KIF5B: variants seen among roughly 807,000 people sequenced by gnomAD.
KIF5B encodes the protein kinesin family member 5B, also known as kinesin-1 heavy chain.
Under a neutral mutation model 132.8 loss-of-function variants are expected in KIF5B, and 49 were observed. The observed-to-expected ratio is 0.37, with a 90% confidence interval of 0.29 to 0.47. KIF5B has a LOEUF of 0.47. KIF5B is among the 20% of genes least tolerant of loss of function. The pLI is 1.00. For missense variants in KIF5B, 780 were observed against 1,144.0 expected, an observed-to-expected ratio of 0.68 and a Z score of 4.59; for synonymous variants, 355 against 369.4, an observed-to-expected ratio of 0.96 and a Z score of 0.45.
chr10:32,014,248 C>T (rs888950516), intron 25 of KIF5B, among the ~76,000 whole-genome samples: 7 of 151,896 alleles, frequency 4.6e-5, no homozygotes, highest in African/African-American at 1.7e-4. Flanking sequence ...CAAAATTAGC[C>T]GGTGTGGTGG....
In KIF5B at chr10:32,031,091, A is replaced by G. The variant is rs1841397477; in HGVS notation, c.1563T>C (p.Asp521=). The part of the protein sequence containing the change: ...DKTKEYELLS[D]ELNQKSATLA... ...ATCCTACCGATTTCTGATTCAATTCATCACTAAGCAATTCATATTCCTTAG... is the reference window on the plus strand; with the variant it reads ...ATCCTACCGATTTCTGATTCAATTCGTCACTAAGCAATTCATATTCCTTAG... The change falls in exon 14 of 26, where the codon GAT becomes GAC. Residue 521 remains aspartate (D), a synonymous_variant. Coordinates refer to ENST00000302418, the MANE Select transcript of KIF5B (RefSeq NM_004521.3). 2 of 1,611,986 alleles carry G rather than the reference A, an allele frequency of 1.2e-6. No homozygotes were observed. The highest frequency in any genetic ancestry group is 4.5e-5 in the East Asian group (2 of 44,862).
chr10:32,012,195 G>A (rs529794832), intron 25 of KIF5B, among the ~76,000 whole-genome samples: 8 of 152,218 alleles, frequency 5.3e-5, no homozygotes, highest in African/African-American at 9.6e-5. Context: ...ATTTCTCGCC[G>A]GGCACAGTGG....
At chr10:32,035,715 TTA>T in intron 9 of KIF5B, 48 bp from the exon 10 acceptor site, 2 of 1,540,536 alleles carry the variant, frequency 1.3e-6, no homozygotes, top group Non-Finnish European at 1.8e-6. Context: ...TAATAAAATG[TTA>T]TTATAAAATA....
chr10:32,040,727 C>T (rs1462897244), intron 2 of KIF5B, among the ~76,000 whole-genome samples: 1 of 151,926 alleles, frequency 6.6e-6, no homozygotes, highest in African/African-American at 2.4e-5. Context: ...GGTGCGGTAG[C>T]TCACTCCTGT....
At chr10:32,027,754 C>A (rs12257702) in intron 15 of KIF5B, among the ~76,000 whole-genome samples, 392 of 151,966 alleles carry the variant, frequency 2.6e-3, no homozygotes, top group African/African-American at 8.8e-3. Context: ...ATCACCATGC[C>A]TACATGCTAG....
chr10:32,028,029 G>A (rs1245674713), intron 15 of KIF5B, among the ~76,000 whole-genome samples: 1 of 151,806 alleles, frequency 6.6e-6, no homozygotes, highest in Non-Finnish European at 1.5e-5. Flanking sequence ...CTGGAGTGCA[G>A]TTGCACGATT....
In KIF5B at chr10:32,037,730, G is replaced by A. The variant is rs551134994; in HGVS notation, c.499-123C>T. On this transcript the variant is annotated intron_variant, in intron 6 of 25. Coordinates refer to ENST00000302418, the MANE Select transcript of KIF5B (RefSeq NM_004521.3). ...TGCCTGTAATCCTAGCTACTTGGGA[G>A]GCTGAGGCAGGAGAATCGCTTGAGC... 14 of 666,306 alleles carry A rather than the reference G, an allele frequency of 2.1e-5. No individual in the cohort carries two copies. In the East Asian group the frequency reaches 3.3e-4, roughly 16 times the overall value. 41.3% of individuals were successfully genotyped at this position (666,306 alleles called of 1,614,324 possible). A position where few individuals can be genotyped will look rare whatever the true frequency, so the allele number is the denominator to read the frequency against.
chr10:32,052,463 T>C (rs1841705635), intron 1 of KIF5B, among the ~76,000 whole-genome samples: 1 of 152,258 alleles, frequency 6.6e-6, no homozygotes. Context: ...TACCACAGCT[T>C]GTTTTTGGCA....
chr10:32,037,789 T>C (rs1465378052), intron 6 of KIF5B, among the ~76,000 whole-genome samples, 182 bp from the exon 7 acceptor site: 1 of 150,244 alleles, frequency 6.7e-6, no homozygotes, highest in Non-Finnish European at 1.5e-5. Flanking sequence ...GCCGAGACCA[T>C]GCCATGCACT....
chr10:32,022,536 G>A (rs987632663), intron 16 of KIF5B, among the ~76,000 whole-genome samples: 2 of 152,114 alleles, frequency 1.3e-5, no homozygotes, highest in Non-Finnish European at 2.9e-5. Flanking sequence ...AATTCTGATA[G>A]TGGTGAATGG....
chr10:32,016,461 A>T (rs1841165801), intron 24 of KIF5B, among the ~76,000 whole-genome samples: 1 of 152,084 alleles, frequency 6.6e-6, no homozygotes, highest in Non-Finnish European at 1.5e-5. Flanking sequence ...CATCTCAAAA[A>T]ACAAGCAAAA....
intron 1 of KIF5B, among the ~76,000 whole-genome samples, chr10:32,054,040 C>T (rs1841724193): frequency 6.6e-6 from 1 of 152,164 alleles, no homozygotes; most frequent in Admixed American, 6.5e-5. Context: ...TTTTATGAAT[C>T]CTAAATTTTA....
At position 32,017,261 on chromosome 10, in the gene KIF5B, C is replaced by G. The variant is rs763280306; in HGVS notation, c.2643G>C (p.Leu881=). 2 of 1,614,132 alleles carry G rather than the reference C, an allele frequency of 1.2e-6. No individual in the cohort carries two copies. The highest frequency in any genetic ancestry group is 3.3e-5 in the Admixed American group (2 of 60,016). Residue 881 remains leucine (L), a synonymous_variant, in exon 24 of 26, where the codon CTG becomes CTC. Coordinates refer to ENST00000302418, the MANE Select transcript of KIF5B (RefSeq NM_004521.3). The part of the protein sequence containing the change: ...AERVKALESA[L]KEAKENASRD... ...GAGATGCATTTTCTTTAGCTTCTTTCAGTGCTGATTCCAAAGCTTTCACTC... is the reference window on the plus strand; with the variant it reads ...GAGATGCATTTTCTTTAGCTTCTTTGAGTGCTGATTCCAAAGCTTTCACTC...
rs1841188767 is a variant in KIF5B, at chr10:32,017,427, C to T, written c.2545-68G>A. 3 of 1,189,286 alleles carry T rather than the reference C, an allele frequency of 2.5e-6. No individual in the cohort carries two copies. The South Asian group carries it at 4.0e-5, about 16-fold the overall frequency. 73.7% of individuals were successfully genotyped at this position (1,189,286 alleles called of 1,614,324 possible). On this transcript the variant is annotated intron_variant, in intron 23 of 25. Transcript: ENST00000302418. ...ATGACTTGAAAAAGTATGAGCATTT[C>T]ATAATTGCTCTTTAGAAAAGTAAAA...
intron 2 of KIF5B, among the ~76,000 whole-genome samples, chr10:32,044,018 G>C (rs1841576947): frequency 6.6e-6 from 1 of 152,010 alleles, no homozygotes; most frequent in African/African-American, 2.4e-5. Context: ...TTGCTTTCCT[G>C]TCCTCACACC....
intron 10 of KIF5B, 100 bp from the exon 11 acceptor site, chr10:32,034,938 G>A: frequency 1.2e-6 from 1 of 861,630 alleles, no homozygotes; most frequent in Non-Finnish European, 1.6e-6. Flanking sequence ...ACTTATGCTT[G>A]TCCAGTAATC....
At chr10:32,025,874 G>C (rs1369031029) in intron 15 of KIF5B, among the ~76,000 whole-genome samples, 1 of 152,184 alleles carries the variant, frequency 6.6e-6, no homozygotes, top group African/African-American at 2.4e-5. Context: ...AGCTGAAAGG[G>C]CTACATATAC....
At chr10:32,034,945 A>G in intron 10 of KIF5B, 107 bp from the exon 11 acceptor site, 1 of 802,192 alleles carries the variant, frequency 1.2e-6, no homozygotes, top group South Asian at 4.1e-5. Context: ...CTTGTCCAGT[A>G]ATCTCTTAGA....
intron 3 of KIF5B, 36 bp from the exon 4 acceptor site, chr10:32,039,467 T>A (rs1034464135): frequency 4.5e-6 from 4 of 889,626 alleles, no homozygotes; most frequent in Non-Finnish European, 7.1e-6. Flanking sequence ...CTTAAATAAA[T>A]TATAAAATAT....
Sources: allele counts gnomAD v4.1 joint callset (sites outside exome capture counted in the v4.1 genomes callset), GRCh38; gene constraint gnomAD v4.1.1; transcripts MANE v1.5; gene names NCBI Gene and HGNC (gene_info 2026-07-23, HGNC 2026-07-21).